DYTN: variants seen among roughly 807,000 people sequenced by gnomAD.
DYTN encodes the protein dystrotelin.
Under a neutral mutation model 69.6 loss-of-function variants are expected in DYTN, and 75 were observed. That is an observed-to-expected ratio of 1.08 (90% CI 0.89 to 1.31). DYTN has a LOEUF of 1.31. Among genes scored for constraint, DYTN ranks in the 50% most tolerant of loss-of-function variants. The probability of loss-of-function intolerance (pLI) is 0.00; values close to 1 mark genes in which losing one functional copy is unlikely to be tolerated. For missense variants in DYTN, 726 were observed against 688.4 expected (o/e 1.05, Z -0.61); for synonymous variants, 252 against 249.1 (o/e 1.01, Z -0.11).
chr2:206,699,352 C>T (rs1273639599), intron 7 of DYTN, among the ~76,000 whole-genome samples: 2 of 152,134 alleles, frequency 1.3e-5, no homozygotes, highest in Non-Finnish European at 2.9e-5. Flanking sequence ...AGGATGACTT[C>T]AGCTTAGGGG....
intron 1 of DYTN, among the ~76,000 whole-genome samples, chr2:206,716,146 C>T (rs1700128731): frequency 6.6e-6 from 1 of 152,052 alleles, no homozygotes; most frequent in Non-Finnish European, 1.5e-5. Context: ...TGAACTCAGC[C>T]TAAATTTCAT....
chr2:206,682,381 C>CA (rs1185315644), intron 9 of DYTN, among the ~76,000 whole-genome samples: 2 of 152,080 alleles, frequency 1.3e-5, no homozygotes, highest in Non-Finnish European at 2.9e-5. Flanking sequence ...GTTATTTGAC[C>CA]TAGCAGCAGC....
chr2:206,663,216 G>A lies in DYTN; in HGVS notation c.1320C>T (p.His440=). Reference sequence around the variant, plus strand: ...CATGCTCTGCATTTGTGTGACTTCTGTGACTTCTGTCAACCTCATCAAGCT... The same window carrying A: ...CATGCTCTGCATTTGTGTGACTTCTATGACTTCTGTCAACCTCATCAAGCT... ...LPKLDEVDRS[H]RSHTNAEHAL... The change falls in exon 11 of 12, where the codon CAC becomes CAT. Residue 440 remains histidine, a synonymous_variant. Coordinates refer to ENST00000452335, the MANE Select transcript of DYTN (RefSeq NM_001093730.1). 1 of 1,613,972 alleles carries A rather than the reference G, an allele frequency of 6.2e-7. No individual in the cohort carries two copies. The highest frequency in any genetic ancestry group is 8.5e-7 in the Non-Finnish European group (1 of 1,179,888).
chr2:206,689,508 C>T (rs756227743), intron 9 of DYTN, among the ~76,000 whole-genome samples: 4 of 152,222 alleles, frequency 2.6e-5, no homozygotes, highest in Non-Finnish European at 4.4e-5. Flanking sequence ...AACAACTCTA[C>T]TGTACTTGGG....
Position 206,699,956 on chromosome 2 carries a change from G to C in DYTN, c.556-66C>G, listed in dbSNP as rs549649802. On this transcript the variant is annotated intron_variant, in intron 6 of 11. Transcript: ENST00000452335. ...ACTTGATATTTTCATTTTCTTTTCT[G>C]ACTCTAATTCTGTCAGTTCTGCTGA... 2.3e-5 allele frequency: 36 copies of C among 1,569,538 alleles called. No individual in the cohort carries two copies. The East Asian group carries it at 8.1e-4, about 35-fold the overall frequency.
intron 9 of DYTN, among the ~76,000 whole-genome samples, chr2:206,686,206 T>C (rs959571099): frequency 1.3e-5 from 2 of 152,202 alleles, no homozygotes; most frequent in African/African-American, 2.4e-5. Context: ...ACAGGTTTTC[T>C]GTGCCTTTTT....
chr2:206,674,753 A>AG (rs1699664975), intron 9 of DYTN, among the ~76,000 whole-genome samples: 3 of 151,352 alleles, frequency 2.0e-5, no homozygotes, highest in African/African-American at 7.3e-5. Flanking sequence ...AATGTTTACT[A>AG]TTACTCTATT....
chr2:206,663,371 A>C lies in DYTN; in HGVS notation c.1165T>G (p.Ser389Ala), dbSNP rs753862843. The change falls in exon 11 of 12, where the codon TCA (serine) becomes GCA (alanine). Residue 389 changes from serine (S) to alanine (A), a missense_variant. Physicochemically the swap from Ser to Ala is moderately conservative, Grantham distance 99 (BLOSUM62 1). Coordinates refer to ENST00000452335, the MANE Select transcript of DYTN (RefSeq NM_001093730.1). ...LQARLQPPGPSSSSFQNVGNK... is the reference protein window; with the variant it reads ...LQARLQPPGPASSSFQNVGNK... Reference sequence around the variant, plus strand: ...CCCACATTTTGAAAGGAAGAAGATGAAGGACCGGGTGGCTGCAACCTTGCC... The same window carrying C: ...CCCACATTTTGAAAGGAAGAAGATGCAGGACCGGGTGGCTGCAACCTTGCC... The C allele has an allele frequency of 1.9e-5, 30 of 1,606,714 alleles. No homozygotes were observed. The highest frequency in any genetic ancestry group is 2.5e-5 in the Non-Finnish European group (29 of 1,176,172).
intron 11 of DYTN, among the ~76,000 whole-genome samples, 177 bp downstream of exon 11, chr2:206,662,726 C>A (rs905499031): frequency 1.3e-5 from 2 of 150,250 alleles, no homozygotes; most frequent in African/African-American, 4.9e-5. Context: ...CACAACAGAC[C>A]TGTGAATTAG....
intron 2 of DYTN, among the ~76,000 whole-genome samples, chr2:206,709,844 A>G (rs1027038884): frequency 6.6e-6 from 1 of 152,202 alleles, no homozygotes; most frequent in Non-Finnish European, 1.5e-5. Flanking sequence ...GATGTGTTTC[A>G]TAGCTTGGAC....
chr2:206,695,529 T>C (rs1228835850), intron 7 of DYTN, among the ~76,000 whole-genome samples: 2 of 152,192 alleles, frequency 1.3e-5, no homozygotes, highest in African/African-American at 4.8e-5. Context: ...ATGACAGCCT[T>C]AAATCCCTTT....
Position 206,663,369 on chromosome 2 carries a change from TGAAGGACCGG to T in DYTN, c.1157_1166del (p.Pro386HisfsTer99), listed in dbSNP as rs1418602296. The T allele has an allele frequency of 3.1e-6, 5 of 1,607,526 alleles. No homozygotes were observed. Among genetic ancestry groups the T allele is most frequent in the Non-Finnish European group, 4.2e-6 (5 of 1,176,598 alleles). On this transcript the variant is annotated frameshift_variant, in exon 11 of 12. Transcript: ENST00000452335. LOFTEE classifies it high-confidence loss of function. ...TCCCCACATTTTGAAAGGAAGAAGATGAAGGACCGGGTGGCTGCAACCTTGCCTGGGGAAA... is the reference window on the plus strand; with the variant it reads ...TCCCCACATTTTGAAAGGAAGAAGATGTGGCTGCAACCTTGCCTGGGGAAA...
rs771928447 is a variant in DYTN at position 206,664,834 on chromosome 2, G to C, written c.1140+1036C>G. On this transcript the variant is annotated intron_variant, in intron 10 of 11. Transcript: ENST00000452335. ...TTTTTTTCACCCAGTATCATAAAAT[G>C]GATGAGCATTAGGACATTCAGTATA... 1.6e-3 allele frequency among the ~76,000 whole-genome samples: 243 copies of C among 152,256 alleles called. 7 individuals are homozygous for C. Among genetic ancestry groups the C allele is most frequent in the Middle Eastern group, 0.01 (3 of 294 alleles).
At chr2:206,715,394 C>T (rs1262818318) in intron 1 of DYTN, among the ~76,000 whole-genome samples, 1 of 152,112 alleles carries the variant, frequency 6.6e-6, no homozygotes, top group African/African-American at 2.4e-5. Flanking sequence ...GCATCCTTAT[C>T]CAGCACAGGG....
rs115913971 is a variant in DYTN at position 206,654,593 on chromosome 2, A to T, written c.1634-2672T>A. 9.4e-3 allele frequency among the ~76,000 whole-genome samples: 1,427 copies of T among 152,292 alleles called. 20 individuals carry two copies. The highest frequency in any genetic ancestry group is 0.032 in the African/African-American group (1,341 of 41,534). On this transcript the variant is annotated intron_variant, in intron 11 of 11. Coordinates refer to ENST00000452335, the MANE Select transcript of DYTN (RefSeq NM_001093730.1). ...AAGTTTTAGAGGAGTCAAAAGTTATATGCTGATTTTTGGCAGCATGGAGGG... is the reference window on the plus strand; with the variant it reads ...AAGTTTTAGAGGAGTCAAAAGTTATTTGCTGATTTTTGGCAGCATGGAGGG...
chr2:206,700,542 C>T (rs956779987), intron 5 of DYTN, among the ~76,000 whole-genome samples: 4 of 151,826 alleles, frequency 2.6e-5, no homozygotes, highest in African/African-American at 7.3e-5. Context: ...CTTTGTTCAC[C>T]TATGAAATGA....
intron 5 of DYTN, among the ~76,000 whole-genome samples, chr2:206,701,339 C>T (rs1336308047): frequency 6.6e-6 from 1 of 152,216 alleles, no homozygotes; most frequent in Non-Finnish European, 1.5e-5. Context: ...GACATCGGCA[C>T]TCCCATGTTC....
intron 1 of DYTN, among the ~76,000 whole-genome samples, chr2:206,711,547 CCTTT>C (rs1380382034): frequency 7.0e-6 from 1 of 142,478 alleles, no homozygotes; most frequent in African/African-American, 2.5e-5. Flanking sequence ...GTTTCTCTTA[CCTTT>C]CTTTTTTTTG....
At chr2:206,676,438 G>T (rs1184380637) in intron 9 of DYTN, among the ~76,000 whole-genome samples, 1 of 152,084 alleles carries the variant, frequency 6.6e-6, no homozygotes, top group Non-Finnish European at 1.5e-5. Context: ...GGGGGTCGGG[G>T]GCAAGGGGAG....
Sources: gnomAD v4.1 joint callset for allele counts (sites outside exome capture counted in the v4.1 genomes callset) on GRCh38, gnomAD v4.1.1 for gene constraint, MANE v1.5 for transcripts, NCBI Gene and HGNC (gene_info 2026-07-23, HGNC 2026-07-21) for gene names.